CENPE: variants seen among roughly 807,000 people sequenced by gnomAD.
CENPE encodes the protein centromere-associated protein E.
A neutral mutation model predicts 336.1 loss-of-function variants in CENPE; 145 were observed. The ratio of observed to expected loss-of-function variants is 0.43; its 90% CI spans 0.38 to 0.50. CENPE has a LOEUF of 0.50. Ranked by LOEUF, CENPE falls within the 20% of genes least tolerant of loss-of-function variation. The probability of loss-of-function intolerance (pLI) is 0.00; values close to 1 mark genes in which losing one functional copy is unlikely to be tolerated. For missense variants in CENPE, 2,719 were observed against 3,023.3 expected (o/e 0.90, Z 2.36); for synonymous variants, 1,013 against 984.8 (o/e 1.03, Z -0.54).
At chr4:103,157,794 C>T (rs1754082937) in intron 24 of CENPE, among the ~76,000 whole-genome samples, 1 of 151,756 alleles carries the variant, frequency 6.6e-6, no homozygotes, top group South Asian at 2.1e-4. Context: ...TATATATTTA[C>T]AAAAGATTAT....
At chr4:103,151,148 C>T (rs1446321518) in intron 26 of CENPE, 71 bp downstream of exon 26, 17 of 1,429,484 alleles carry the variant, frequency 1.2e-5, no homozygotes, top group Admixed American at 9.1e-5. Context: ...TTTAGGTCTA[C>T]AGAAATAAAA....
chr4:103,178,254 G>A (rs1287871857), intron 13 of CENPE, among the ~76,000 whole-genome samples: 1 of 152,140 alleles, frequency 6.6e-6, no homozygotes, highest in East Asian at 1.9e-4. Flanking sequence ...CACACAGCCA[G>A]AAGACCGGCT....
intron 14 of CENPE, among the ~76,000 whole-genome samples, chr4:103,176,438 T>C (rs550115617): frequency 6.6e-6 from 1 of 152,230 alleles, no homozygotes; most frequent in African/African-American, 2.4e-5. Flanking sequence ...GCAGATGCCA[T>C]ATAACTAACA....
chr4:103,147,321 C>T (rs1753138057), intron 29 of CENPE, 35 bp downstream of exon 29: 1 of 1,529,366 alleles, frequency 6.5e-7, no homozygotes, highest in Non-Finnish European at 8.9e-7. Context: ...TCTTATAAGA[C>T]ACTTGTTAAA....
intron 43 of CENPE, among the ~76,000 whole-genome samples, 154 bp from the exon 44 acceptor site, chr4:103,120,487 C>T (rs536931091): frequency 5.3e-5 from 8 of 152,282 alleles, no homozygotes; most frequent in Admixed American, 1.3e-4. Context: ...ATTCAATCTA[C>T]AGACATGTTA....
chr4:103,196,711 A>T, intron 2 of CENPE, 48 bp downstream of exon 2: 1 of 897,184 alleles, frequency 1.1e-6, no homozygotes, highest in Non-Finnish European at 1.8e-6. Flanking sequence ...TTGTACTTTT[A>T]ATAGCAAAAG....
intron 8 of CENPE, among the ~76,000 whole-genome samples, chr4:103,193,734 T>C (rs967805091): frequency 6.6e-6 from 1 of 152,110 alleles, no homozygotes; most frequent in Non-Finnish European, 1.5e-5. Context: ...CTCAATGGAT[T>C]TACAGTCTAA....
intron 45 of CENPE, among the ~76,000 whole-genome samples, 177 bp from the exon 46 acceptor site, chr4:103,114,729 A>T (rs962021510): frequency 6.6e-6 from 1 of 152,336 alleles, no homozygotes; most frequent in Non-Finnish European, 1.5e-5. Flanking sequence ...CATTAATGCC[A>T]TCAAACTAGA....
chr4:103,160,984 G>T, intron 20 of CENPE, 102 bp downstream of exon 20: 1 of 1,070,802 alleles, frequency 9.3e-7, no homozygotes, highest in Non-Finnish European at 1.3e-6. Flanking sequence ...AAAAGTCAGA[G>T]TATAATGAAT....
intron 38 of CENPE, 89 bp from the exon 39 acceptor site, chr4:103,138,538 A>C (rs1752270262): frequency 6.1e-6 from 5 of 814,438 alleles, no homozygotes; most frequent in South Asian, 1.5e-5. Context: ...ATTACATGAC[A>C]TTTCAATAAT....
intron 28 of CENPE, 52 bp from the exon 29 acceptor site, chr4:103,147,698 A>ATTTT: frequency 8.3e-7 from 1 of 1,198,224 alleles, no homozygotes; most frequent in Non-Finnish European, 1.1e-6. Context: ...TATGATCATA[A>ATTTT]TTTTTTTTTT....
intron 44 of CENPE, among the ~76,000 whole-genome samples, chr4:103,118,235 G>A (rs1376074769): frequency 6.6e-6 from 1 of 152,246 alleles, no homozygotes; most frequent in East Asian, 1.9e-4. Context: ...AGCATTTGGT[G>A]GTGTCAATGT....
intron 40 of CENPE, among the ~76,000 whole-genome samples, chr4:103,134,635 C>CA (rs36085712): frequency 0.033 from 2,068 of 63,628 alleles, 53 homozygotes; most frequent in East Asian, 0.097. Context: ...GACTCCGTCT[C>CA]AAAAAAAAAA....
In CENPE at chr4:103,186,064, C is replaced by T. The variant is rs74951131; in HGVS notation, c.694-203G>A. ...TCCTTTCTTTATATCTTCCATAATGCCACCAGTATAGGTTCTGTTTCCTAT... is the reference window on the plus strand; with the variant it reads ...TCCTTTCTTTATATCTTCCATAATGTCACCAGTATAGGTTCTGTTTCCTAT... On this transcript the variant is annotated intron_variant, in intron 8 of 48. Transcript: ENST00000265148. Among the ~76,000 whole-genome samples, 3 of 152,138 alleles carry T rather than the reference C, an allele frequency of 2.0e-5. No individual in the cohort carries two copies. The East Asian group carries it at 5.8e-4, about 29-fold the overall frequency.
chr4:103,142,772 G>T (rs1409895261), intron 34 of CENPE, among the ~76,000 whole-genome samples: 1 of 152,104 alleles, frequency 6.6e-6, no homozygotes, highest in East Asian at 1.9e-4. Context: ...CACTTTGGGA[G>T]GCCGAGGCGG....
intron 43 of CENPE, 120 bp downstream of exon 43, chr4:103,122,751 A>G: frequency 1.4e-6 from 1 of 702,064 alleles, no homozygotes. Flanking sequence ...AGTAAAAATC[A>G]AGCCCATCAC....
chr4:103,140,536 A>C (rs1752458720), intron 36 of CENPE, 122 bp from the exon 37 acceptor site: 1 of 771,272 alleles, frequency 1.3e-6, no homozygotes. Flanking sequence ...ACCATTATAC[A>C]ACCTCCTAAA....
In CENPE at chr4:103,116,592, T is replaced by C. The variant is rs1270529200; in HGVS notation, c.7427A>G (p.Lys2476Arg). ...KIDLEKMKNA[K>R]EFEKEISATK... ...AAATACGTACTCCTTTTCAAATTCT[T>C]TGGCATTTTTCATTTTCTCTAGGTC... Residue 2476 changes from lysine to arginine, a missense_variant, in exon 45 of 49, where the codon AAA becomes AGA. Transcript: ENST00000265148. The C allele has an allele frequency of 1.3e-6, 2 of 1,541,546 alleles. No individual in the cohort carries two copies. Among genetic ancestry groups the C allele is most frequent in the Non-Finnish European group, 1.8e-6 (2 of 1,136,190 alleles).
At chr4:103,153,613 C>T (rs921143067) in intron 24 of CENPE, among the ~76,000 whole-genome samples, 2 of 152,114 alleles carry the variant, frequency 1.3e-5, no homozygotes, top group African/African-American at 2.4e-5. Context: ...CATGATTCTG[C>T]ATGTTTACTT....
Sources: allele counts gnomAD v4.1 joint callset (sites outside exome capture counted in the v4.1 genomes callset), GRCh38; gene constraint gnomAD v4.1.1; transcripts MANE v1.5; gene names NCBI Gene and HGNC (gene_info 2026-07-23, HGNC 2026-07-21).